CPSF2: variants seen among roughly 807,000 people sequenced by gnomAD.
CPSF2 encodes the protein cleavage and polyadenylation specificity factor subunit 2.
A neutral mutation model predicts 84.2 loss-of-function variants in CPSF2; 51 were observed. That is an observed-to-expected ratio of 0.61 (90% confidence interval 0.48 to 0.77). The LOEUF (loss-of-function observed/expected upper bound fraction) is 0.77. CPSF2 is among the 30% of genes least tolerant of loss of function. The probability of loss-of-function intolerance (pLI) is 0.00; values close to 1 mark genes in which losing one functional copy is unlikely to be tolerated. For synonymous variants in CPSF2, 286 were observed against 311.9 expected (o/e 0.92, Z 0.87); for missense variants, 641 against 929.4 (o/e 0.69, Z 4.03).
intron 11 of CPSF2, 88 bp from the exon 12 acceptor site, chr14:92,156,391 C>A: frequency 1.0e-6 from 1 of 990,596 alleles, no homozygotes; most frequent in Non-Finnish European, 1.5e-6. Flanking sequence ...TATGTGAGGA[C>A]TCCAAAAATT....
At chr14:92,158,657 G>A (rs2069324093) in intron 13 of CPSF2, among the ~76,000 whole-genome samples, 1 of 152,194 alleles carries the variant, frequency 6.6e-6, no homozygotes, top group Non-Finnish European at 1.5e-5. Flanking sequence ...AGCTTCGTGA[G>A]GGTCAGAGGG....
rs1222722128 is a variant in CPSF2, at chr14:92,165,852, A to ATTTTTTTTTTTTT, written c.*4109_*4110insTTTTTTTTTTTTT. ...TTCAGTTCTTTGTGCTTGGTTTTAT[A>ATTTTTTTTTTTTT]TCTTTTTTTTTTTTTTTTTTTTTTT... is the stretch of plus-strand genomic sequence containing the variant. On this transcript the variant is annotated 3_prime_UTR_variant, in exon 16 of 16. Coordinates refer to ENST00000298875, the MANE Select transcript of CPSF2 (RefSeq NM_017437.3). 5 of 53,908 alleles carry ATTTTTTTTTTTTT rather than the reference A, an allele frequency of 9.3e-5. No homozygotes were observed. Among genetic ancestry groups the ATTTTTTTTTTTTT allele is most frequent in the African/African-American group, 2.8e-4 (3 of 10,690 alleles). 3.3% of individuals were successfully genotyped at this position (53,908 alleles called of 1,614,324 possible). A position where few individuals can be genotyped will look rare whatever the true frequency, so the allele number is the denominator to read the frequency against.
At chr14:92,158,709 A>G (rs2069324906) in intron 13 of CPSF2, among the ~76,000 whole-genome samples, 1 of 152,118 alleles carries the variant, frequency 6.6e-6, no homozygotes, top group African/African-American at 2.4e-5. Context: ...TATGTTAGAA[A>G]CACTGGATAT....
intron 13 of CPSF2, among the ~76,000 whole-genome samples, chr14:92,158,310 T>C (rs1005518715): frequency 5.3e-5 from 8 of 152,120 alleles, no homozygotes; most frequent in African/African-American, 1.9e-4. Flanking sequence ...TTCCCGGATA[T>C]CAAGGTTCTA....
Position 92,167,351 on chromosome 14 carries a change from A to AT in CPSF2, c.*5612dup, listed in dbSNP as rs2069462483. The AT allele has an allele frequency of 6.6e-6, 1 of 152,118 alleles. No homozygotes were observed. The highest frequency in any genetic ancestry group is 6.5e-5 in the Admixed American group (1 of 15,270). The allele number at this position is 152,118 out of a possible 1,614,324, so 9.4% of individuals were successfully genotyped here. ...CCAATTTCTGCAAAAAAGCCCACTC[A>AT]TTTTTAATAGGAGGTAAAAAGCAGT... On this transcript the variant is annotated 3_prime_UTR_variant, in exon 16 of 16. Coordinates refer to ENST00000298875, the MANE Select transcript of CPSF2 (RefSeq NM_017437.3).
chr14:92,148,679 G>A (rs935447270), intron 9 of CPSF2, among the ~76,000 whole-genome samples: 16 of 149,962 alleles, frequency 1.1e-4, no homozygotes, highest in African/African-American at 3.7e-4. Context: ...AGGTGTGGTG[G>A]CATGTGGCTG....
At chr14:92,149,809 C>T (rs1254665865) in intron 9 of CPSF2, among the ~76,000 whole-genome samples, 1 of 151,936 alleles carries the variant, frequency 6.6e-6, no homozygotes, top group Non-Finnish European at 1.5e-5. Flanking sequence ...GTGTGTGCCA[C>T]CACGCCTGGC....
intron 8 of CPSF2, 138 bp from the exon 9 acceptor site, chr14:92,142,866 A>C (rs1219457938): frequency 1.3e-6 from 1 of 743,868 alleles, no homozygotes; most frequent in African/African-American, 1.8e-5. Flanking sequence ...AGCAGAAAAT[A>C]AGCTGCTTGT....
chr14:92,157,486 A>C lies in CPSF2; in HGVS notation c.1596-173A>C, dbSNP rs1209929607. ...CATGCTACTGCACTCTAGCCTGGGC[A>C]AAAGAGCGAGACCCAATCTCAGAAA... is the stretch of plus-strand genomic sequence containing the variant. On this transcript the variant is annotated intron_variant, in intron 12 of 15. Coordinates refer to ENST00000298875, the MANE Select transcript of CPSF2 (RefSeq NM_017437.3). The surrounding 1 kb of genome is among the most constrained non-coding windows in gnomAD (Gnocchi z 4.0). Among the ~76,000 whole-genome samples, 1 of 152,198 alleles carries C rather than the reference A, an allele frequency of 6.6e-6. No individual in the cohort carries two copies. The highest frequency in any genetic ancestry group is 2.4e-5 in the African/African-American group (1 of 41,440).
chr14:92,161,242 G>T lies in CPSF2; in HGVS notation c.2252G>T (p.Arg751Leu). The change falls in exon 15 of 16, where the codon CGC (arginine) becomes CTC (leucine). Residue 751 changes from arginine to leucine, a missense_variant. Arg to Leu is a moderately radical substitution (Grantham distance 102). Coordinates refer to ENST00000298875, the MANE Select transcript of CPSF2 (RefSeq NM_017437.3). ...GTTTGCAACAATCAAGTAGCAGTCC[G>T]CAGAGTAAGTGTGTTTTCAATAAGG... The part of the protein sequence containing the change: ...VLVCNNQVAV[R>L]RTETGRIGLE... 1 of 1,610,426 alleles carries T rather than the reference G, an allele frequency of 6.2e-7. No individual in the cohort carries two copies. Among genetic ancestry groups the T allele is most frequent in the Non-Finnish European group, 8.5e-7 (1 of 1,178,790 alleles).
rs969810500 is a variant in CPSF2 at position 92,168,903 on chromosome 14, G to A, written c.*7159G>A. On this transcript the variant is annotated 3_prime_UTR_variant, in exon 16 of 16. Transcript: ENST00000298875. ...CATATAGTCAAAGAGAACCAAAAAT[G>A]TATGTGCTTTTTTTGTGAAATTGTT... 1.3e-5 allele frequency: 2 copies of A among 152,130 alleles called. No homozygotes were observed. Among genetic ancestry groups the A allele is most frequent in the Non-Finnish European group, 2.9e-5 (2 of 68,018 alleles). 9.4% of individuals were successfully genotyped at this position (152,130 alleles called of 1,614,324 possible). A position where few individuals can be genotyped will look rare whatever the true frequency, so the allele number is the denominator to read the frequency against.
At chr14:92,127,820 A>C (rs180812124) in intron 2 of CPSF2, among the ~76,000 whole-genome samples, 3 of 152,366 alleles carry the variant, frequency 2.0e-5, no homozygotes, top group African/African-American at 4.8e-5. Flanking sequence ...GAGACCCAAC[A>C]GTGTACATGC....
At chr14:92,160,061 C>T (rs1595068597) in intron 14 of CPSF2, among the ~76,000 whole-genome samples, 1 of 152,214 alleles carries the variant, frequency 6.6e-6, no homozygotes, top group East Asian at 1.9e-4. Flanking sequence ...CTCCCGGGTT[C>T]AAGCGATTCT....
At chr14:92,130,426 A>G (rs1361548017) in intron 2 of CPSF2, among the ~76,000 whole-genome samples, 1 of 152,230 alleles carries the variant, frequency 6.6e-6, no homozygotes, top group African/African-American at 2.4e-5. Context: ...TGCCATCACA[A>G]AGCAAGATAA....
At chr14:92,142,025 C>A in intron 7 of CPSF2, 139 bp from the exon 8 acceptor site, 7 of 586,078 alleles carry the variant, frequency 1.2e-5, no homozygotes, top group East Asian at 5.9e-5. Context: ...AACAAAATTC[C>A]TTCATTTTGT....
chr14:92,146,494 C>T (rs1033006453), intron 9 of CPSF2, among the ~76,000 whole-genome samples: 1 of 152,190 alleles, frequency 6.6e-6, no homozygotes, highest in African/African-American at 2.4e-5. Context: ...GCACTCCAAC[C>T]TGGGTGACAG....
intron 9 of CPSF2, among the ~76,000 whole-genome samples, chr14:92,152,082 A>C (rs1026013429): frequency 8.6e-5 from 13 of 150,496 alleles, no homozygotes; most frequent in Admixed American, 8.6e-4. Context: ...TATTTTTTGT[A>C]AAAATCTGTT....
intron 9 of CPSF2, among the ~76,000 whole-genome samples, chr14:92,152,165 T>C (rs1449270252): frequency 6.6e-6 from 1 of 152,100 alleles, no homozygotes; most frequent in East Asian, 1.9e-4. Context: ...GTTTCGCTCT[T>C]GTTGCCCAGG....
chr14:92,145,563 G>C (rs2069132989), intron 9 of CPSF2, among the ~76,000 whole-genome samples: 1 of 152,218 alleles, frequency 6.6e-6, no homozygotes, highest in Admixed American at 6.5e-5. Context: ...AGGATTCTGA[G>C]CAAGTATAGC....
Sources: allele counts gnomAD v4.1 joint callset (sites outside exome capture counted in the v4.1 genomes callset), GRCh38; gene constraint gnomAD v4.1.1; non-coding constraint Gnocchi (gnomAD v3.1); transcripts MANE v1.5; gene names NCBI Gene and HGNC (gene_info 2026-07-23, HGNC 2026-07-21).